The following BMP6 variants were observed in gnomAD, a reference collection of about 807,000 sequenced individuals.
BMP6 encodes VG-1-R.
A neutral mutation model predicts 54.1 loss-of-function variants in BMP6; 17 were observed. The ratio of observed to expected loss-of-function variants is 0.31; its 90% CI spans 0.22 to 0.47. The LOEUF is 0.47. BMP6 is among the 20% of genes least tolerant of loss of function. The probability of loss-of-function intolerance (pLI) is 1.00; values close to 1 mark genes in which losing one functional copy is unlikely to be tolerated. For synonymous variants in BMP6, 328 were observed against 291.2 expected (o/e 1.13, Z -1.28); for missense variants, 720 against 690.4 (o/e 1.04, Z -0.48).
rs1399572133 is a variant in BMP6, at chr6:7,856,221, C to CT, written c.858-5224dup. 2.7e-5 allele frequency among the ~76,000 whole-genome samples: 4 copies of CT among 148,170 alleles called. No individual in the cohort carries two copies. In the Admixed American group the frequency reaches 2.7e-4, roughly 10 times the overall value. On this transcript the variant is annotated intron_variant, in intron 2 of 6. Coordinates refer to ENST00000283147, the MANE Select transcript of BMP6 (RefSeq NM_001718.6). Reference sequence around the variant, plus strand: ...GTGTACATGTATGCAGCAGTTTACTCTTTTTTGTAGTACTTTATTTTCAAA... The same window carrying CT: ...GTGTACATGTATGCAGCAGTTTACTCTTTTTTTGTAGTACTTTATTTTCAAA...
intron 1 of BMP6, among the ~76,000 whole-genome samples, chr6:7,743,410 C>T (rs1757299959): frequency 6.6e-6 from 1 of 152,070 alleles, no homozygotes; most frequent in South Asian, 2.1e-4. Context: ...TATCTTGTGC[C>T]TGTAGGATGC....
At chr6:7,819,183 C>T (rs1170899583) in intron 1 of BMP6, among the ~76,000 whole-genome samples, 1 of 152,158 alleles carries the variant, frequency 6.6e-6, no homozygotes, top group Non-Finnish European at 1.5e-5. Flanking sequence ...CCTACCAGAT[C>T]ATGTGAGGCT....
At position 7,770,120 on chromosome 6, in the gene BMP6, G is replaced by T. The variant is rs79354630; in HGVS notation, c.664+42501G>T. Among the ~76,000 whole-genome samples the T allele has an allele frequency of 4.3e-3, 644 of 150,668 alleles. 2 individuals carry two copies. The highest frequency in any genetic ancestry group is 0.013 in the African/African-American group (519 of 40,832). ...TGATATCACGGTTATATAACCACTT[G>T]TAAACTTCAAGAATGAGCTTGGAAA... On this transcript the variant is annotated intron_variant, in intron 1 of 6. Transcript: ENST00000283147.
rs544279994 is a variant in BMP6 at position 7,880,416 on chromosome 6, A to C, written c.*73A>C. On this transcript the variant is annotated 3_prime_UTR_variant, in exon 7 of 7. Transcript: ENST00000283147. ...TTACATCTGCCTTAAAAAAACACGG[A>C]AGCACAGTTGGAGGTGGGACGATGA... The C allele has an allele frequency of 6.3e-7, 1 of 1,584,966 alleles. No individual in the cohort carries two copies. The highest frequency in any genetic ancestry group is 1.7e-5 in the Admixed American group (1 of 59,332).
intron 1 of BMP6, among the ~76,000 whole-genome samples, chr6:7,761,062 G>A (rs1757605238): frequency 6.6e-6 from 1 of 152,050 alleles, no homozygotes; most frequent in Non-Finnish European, 1.5e-5. Flanking sequence ...CCTTATATTC[G>A]GCATTATCGT....
At chr6:7,813,467 A>AAAC (rs1385755142) in intron 1 of BMP6, among the ~76,000 whole-genome samples, 1 of 145,048 alleles carries the variant, frequency 6.9e-6, no homozygotes, top group Admixed American at 6.9e-5. Context: ...ACAAAAAAAA[A>AAAC]AAAAAAAAAA....
intron 4 of BMP6, among the ~76,000 whole-genome samples, chr6:7,874,227 G>A (rs1759571578): frequency 6.6e-6 from 1 of 152,180 alleles, no homozygotes; most frequent in Non-Finnish European, 1.5e-5. Flanking sequence ...CCAGGCACAT[G>A]GCCACAGCTA....
chr6:7,824,374 T>C (rs1253058694), intron 1 of BMP6, among the ~76,000 whole-genome samples: 2 of 152,156 alleles, frequency 1.3e-5, no homozygotes, highest in South Asian at 2.1e-4. Context: ...CTTGAGGCCA[T>C]TGTGAGTCCT....
At chr6:7,802,180 T>C (rs546260295) in intron 1 of BMP6, among the ~76,000 whole-genome samples, 11 of 152,334 alleles carry the variant, frequency 7.2e-5, no homozygotes, top group Admixed American at 2.0e-4. Flanking sequence ...TTTGTGTCTG[T>C]TATTAAAGAA....
At chr6:7,834,971 C>T (rs1465865913) in intron 1 of BMP6, among the ~76,000 whole-genome samples, 2 of 152,174 alleles carry the variant, frequency 1.3e-5, no homozygotes, top group African/African-American at 4.8e-5. Flanking sequence ...AACCCACAGA[C>T]AGATGAACTA....
At chr6:7,782,856 G>C (rs1757967294) in intron 1 of BMP6, among the ~76,000 whole-genome samples, 1 of 152,138 alleles carries the variant, frequency 6.6e-6, no homozygotes, top group Admixed American at 6.5e-5. Flanking sequence ...CTGAGAAAGG[G>C]CTTGTCAAGA....
At chr6:7,749,901 C>T (rs1310929102) in intron 1 of BMP6, among the ~76,000 whole-genome samples, 1 of 152,088 alleles carries the variant, frequency 6.6e-6, no homozygotes, top group Non-Finnish European at 1.5e-5. Flanking sequence ...AAGAAGCATC[C>T]CAGATGGTTT....
intron 1 of BMP6, among the ~76,000 whole-genome samples, chr6:7,770,278 T>C (rs140013431): frequency 0.012 from 1,857 of 152,366 alleles, 13 homozygotes; most frequent in Middle Eastern, 0.024. Context: ...AATTGATATC[T>C]AAATGCTTCT....
chr6:7,855,907 T>C (rs1759222789), intron 2 of BMP6, among the ~76,000 whole-genome samples: 1 of 152,066 alleles, frequency 6.6e-6, no homozygotes, highest in African/African-American at 2.4e-5. Context: ...TTACGGTTGT[T>C]GTGAGGCATT....
intron 1 of BMP6, among the ~76,000 whole-genome samples, chr6:7,829,997 G>A (rs1284924498): frequency 6.6e-6 from 1 of 152,196 alleles, no homozygotes; most frequent in South Asian, 2.1e-4. Context: ...GCTAAAAAGA[G>A]ACATTGCTGC....
intron 1 of BMP6, among the ~76,000 whole-genome samples, chr6:7,788,396 T>C (rs1003934432): frequency 5.9e-5 from 9 of 152,160 alleles, no homozygotes; most frequent in Admixed American, 5.2e-4. Flanking sequence ...AGAAACACAG[T>C]GTATGCTATT....
At chr6:7,765,484 G>A (rs1235763837) in intron 1 of BMP6, among the ~76,000 whole-genome samples, 1 of 152,214 alleles carries the variant, frequency 6.6e-6, no homozygotes, top group Non-Finnish European at 1.5e-5. Context: ...GACCACACCT[G>A]ATATTAATAA....
intron 1 of BMP6, among the ~76,000 whole-genome samples, chr6:7,775,536 A>G (rs746850787): frequency 6.6e-6 from 1 of 152,236 alleles, no homozygotes; most frequent in African/African-American, 2.4e-5. Context: ...GTAATGTAAG[A>G]ATAATGTTTG....
chr6:7,808,690 G>A (rs911255384), intron 1 of BMP6, among the ~76,000 whole-genome samples: 1 of 152,042 alleles, frequency 6.6e-6, no homozygotes, highest in Non-Finnish European at 1.5e-5. Context: ...GAGGTGTGAG[G>A]ATTGCTTGAG....
Sources: gnomAD v4.1 joint callset for allele counts (sites outside exome capture counted in the v4.1 genomes callset) on GRCh38, gnomAD v4.1.1 for gene constraint, MANE v1.5 for transcripts, NCBI Gene and HGNC (gene_info 2026-07-23, HGNC 2026-07-21) for gene names.